The following BRD8 variants were observed in gnomAD, a reference collection of about 807,000 sequenced individuals.
BRD8 encodes bromodomain-containing protein 8.
A neutral mutation model predicts 143.1 loss-of-function variants in BRD8; 67 were observed. That is an observed-to-expected ratio of 0.47 (90% CI 0.38 to 0.57). The LOEUF is 0.57. BRD8 is among the 20% of genes least tolerant of loss of function. The probability of loss-of-function intolerance (pLI) is 0.00; values close to 1 mark genes in which losing one functional copy is unlikely to be tolerated. For synonymous variants in BRD8, 505 were observed against 517.1 expected, an observed-to-expected ratio of 0.98 and a Z score of 0.32; for missense variants, 1,103 against 1,503.0, an observed-to-expected ratio of 0.73 and a Z score of 4.40.
chr5:138,154,164 AAT>A (rs1205395829), intron 20 of BRD8, among the ~76,000 whole-genome samples: 6 of 152,166 alleles, frequency 3.9e-5, no homozygotes, highest in African/African-American at 1.4e-4. Flanking sequence ...GCTCTCAACA[AAT>A]ATAGTTATTC....
chr5:138,159,650 A>G, intron 19 of BRD8, 51 bp from the exon 20 acceptor site: 1 of 1,578,276 alleles, frequency 6.3e-7, no homozygotes, highest in Non-Finnish European at 8.7e-7. Context: ...ACTCTCAGCC[A>G]CAAGCACCCC....
At position 138,164,150 on chromosome 5, in the gene BRD8, G is replaced by A. The variant is rs980498231; in HGVS notation, c.1826-17C>T. On this transcript the variant is annotated splice_polypyrimidine_tract_variant and intron_variant, in intron 13 of 26. Coordinates refer to ENST00000254900, the MANE Select transcript of BRD8 (RefSeq NM_139199.2). ...TCAATGAGTCTGCAGAGGAGAGAAA[G>A]ACTACCTGAAGATTTTTCCACCTTA... 8.7e-6 allele frequency: 14 copies of A among 1,613,800 alleles called. No individual in the cohort carries two copies. In the African/African-American group the frequency reaches 1.9e-4, roughly 22 times the overall value.
At chr5:138,157,726 T>A (rs1752697833) in intron 20 of BRD8, 1 of 158,138 alleles carries the variant, frequency 6.3e-6, no homozygotes, top group Non-Finnish European at 1.4e-5. Context: ...TGACAGTGGT[T>A]TTCCATGAGA....
intron 1 of BRD8, 46 bp from the exon 2 acceptor site, chr5:138,177,713 G>T (rs1393456311): frequency 1.7e-6 from 2 of 1,184,984 alleles, no homozygotes; most frequent in African/African-American, 3.1e-5. Context: ...CAACCACTGA[G>T]ACTGTAGTGC....
At chr5:138,149,909 C>T in intron 22 of BRD8, 112 bp from the exon 23 acceptor site, 1 of 965,096 alleles carries the variant, frequency 1.0e-6, no homozygotes, top group Non-Finnish European at 1.5e-6. Context: ...AGGTCAATTA[C>T]ATAAAGCTAC....
chr5:138,141,473 G>A (rs934255188), intron 25 of BRD8, among the ~76,000 whole-genome samples: 2 of 152,128 alleles, frequency 1.3e-5, no homozygotes, highest in African/African-American at 2.4e-5. Context: ...AATCTAAAGA[G>A]GTTAAGTACT....
chr5:138,170,255 A>G (rs1753756663), intron 7 of BRD8, 90 bp downstream of exon 7: 1 of 914,870 alleles, frequency 1.1e-6, no homozygotes, highest in African/African-American at 1.7e-5. Flanking sequence ...ATTTAAATCA[A>G]TGTATTCTAT....
chr5:138,162,032 C>T lies in BRD8; in HGVS notation c.2180+22G>A, dbSNP rs202126961. 55 of 1,603,302 alleles carry T rather than the reference C, an allele frequency of 3.4e-5. No homozygotes were observed. In the East Asian group the frequency reaches 6.5e-4, roughly 19 times the overall value. On this transcript the variant is annotated intron_variant, in intron 16 of 26. Coordinates refer to ENST00000254900, the MANE Select transcript of BRD8 (RefSeq NM_139199.2). The stretch of plus-strand genomic sequence containing the variant: ...TGAAGAGTAGGAGAAAATGAACCTA[C>T]TGACTGGTAAAGCCCACTCACCTAT...
chr5:138,172,665 CAAAAAAAAAAA>C (rs147364810), intron 2 of BRD8: 33 of 216,680 alleles, frequency 1.5e-4, no homozygotes, highest in Admixed American at 9.4e-4. Flanking sequence ...CCCATCCCTA[CAAAAAAAAAAA>C]AAAAAAAAAA....
intron 23 of BRD8, among the ~76,000 whole-genome samples, chr5:138,147,575 G>A (rs1166759222): frequency 6.6e-6 from 1 of 152,170 alleles, no homozygotes; most frequent in East Asian, 1.9e-4. Context: ...TTGAAAGGCT[G>A]AGGCAGGAGA....
chr5:138,151,111 G>A (rs1752353241), intron 21 of BRD8, 103 bp from the exon 22 acceptor site: 2 of 1,401,430 alleles, frequency 1.4e-6, no homozygotes, highest in South Asian at 2.7e-5. Flanking sequence ...GACTAAGTCT[G>A]AGAGGACAAA....
At chr5:138,170,262 CTA>C in intron 7 of BRD8, 81 bp downstream of exon 7, 1 of 967,700 alleles carries the variant, frequency 1.0e-6, no homozygotes, top group Non-Finnish European at 1.7e-6. Flanking sequence ...TCAATGTATT[CTA>C]TGTTACAAAA....
rs1297902313 is a variant in BRD8 at position 138,171,430 on chromosome 5, AAG to A, written c.187-22_187-21del. On this transcript the variant is annotated intron_variant, in intron 3 of 26. Transcript: ENST00000254900. ...ACAATGCTATTAAAAAAAAAAAAAA[AAG>A]TGAAAATGTGATGAGCAAGGCTGGA... The A allele has an allele frequency of 5.5e-6, 7 of 1,283,084 alleles. No individual in the cohort carries two copies. The Admixed American group carries it at 7.1e-5, about 13-fold the overall frequency. 79.5% of individuals were successfully genotyped at this position (1,283,084 alleles called of 1,614,324 possible). A position where few individuals can be genotyped will look rare whatever the true frequency, so the allele number is the denominator to read the frequency against.
intron 23 of BRD8, among the ~76,000 whole-genome samples, chr5:138,148,799 T>A (rs1184725175): frequency 6.6e-6 from 1 of 152,034 alleles, no homozygotes; most frequent in Non-Finnish European, 1.5e-5. Context: ...GCACAGTGGC[T>A]CAAGCCTGTA....
intron 25 of BRD8, among the ~76,000 whole-genome samples, chr5:138,143,470 C>G (rs1051014724): frequency 2.0e-5 from 3 of 151,996 alleles, no homozygotes; most frequent in Non-Finnish European, 4.4e-5. Flanking sequence ...GAGACCCTGT[C>G]TCAAAAAAAT....
At position 138,164,948 on chromosome 5, in the gene BRD8, C is replaced by A. The variant is rs768952141; in HGVS notation, c.1497G>T (p.Val499=). ...TCTCTGCACTGGGCTCCCTGATGTC[C>A]ACCAGTTCATGTATTCCCTTGTTTT... ...ETENKGIHEL[V]DIREPSAEIK... Residue 499 remains valine (V), a synonymous_variant, in exon 12 of 27, where the codon GTG becomes GTT. Coordinates refer to ENST00000254900, the MANE Select transcript of BRD8 (RefSeq NM_139199.2). 6.2e-7 allele frequency: 1 copy of A among 1,614,172 alleles called. No individual in the cohort carries two copies.
chr5:138,152,471 C>A lies in BRD8; in HGVS notation c.2856+11G>T, dbSNP rs201588407. The A allele has an allele frequency of 6.2e-7, 1 of 1,612,466 alleles. No individual in the cohort carries two copies. Among genetic ancestry groups the A allele is most frequent in the Non-Finnish European group, 8.5e-7 (1 of 1,179,236 alleles). On this transcript the variant is annotated intron_variant, in intron 21 of 26. Transcript: ENST00000254900. ...GCTTTTCCAGCTTTGGAAATAAGAGCTCACTGTTACCTCAGAGAGAAAGTG... is the reference window on the plus strand; with the variant it reads ...GCTTTTCCAGCTTTGGAAATAAGAGATCACTGTTACCTCAGAGAGAAAGTG...
At chr5:138,150,269 T>C (rs1211225910) in intron 22 of BRD8, among the ~76,000 whole-genome samples, 2 of 151,466 alleles carry the variant, frequency 1.3e-5, no homozygotes, top group African/African-American at 2.4e-5. Flanking sequence ...CATACCTGGC[T>C]AATTTGTTTT....
At chr5:138,151,074 A>C (rs1324899045) in intron 21 of BRD8, 66 bp from the exon 22 acceptor site, 12 of 1,544,764 alleles carry the variant, frequency 7.8e-6, no homozygotes, top group Non-Finnish European at 1.0e-5. Flanking sequence ...ACATATCAAC[A>C]ATGCCACATG....
Sources: gnomAD v4.1 joint callset for allele counts (sites outside exome capture counted in the v4.1 genomes callset) on GRCh38, gnomAD v4.1.1 for gene constraint, MANE v1.5 for transcripts, NCBI Gene and HGNC (gene_info 2026-07-23, HGNC 2026-07-21) for gene names.